CAMKMT: variants seen among roughly 807,000 people sequenced by gnomAD.
CAMKMT encodes the protein calmodulin-lysine N-methyltransferase, also known as CaM KMT.
In CAMKMT, 53 loss-of-function variants were observed where a neutral mutation model predicts 48.0. The ratio of observed to expected loss-of-function variants is 1.10; its 90% CI spans 0.89 to 1.39. CAMKMT has a LOEUF of 1.39. Ranked by LOEUF, CAMKMT falls within the 40% of genes most tolerant of loss-of-function variation. The pLI is 0.00. For synonymous variants in CAMKMT, 165 were observed against 152.3 expected, an observed-to-expected ratio of 1.08 and a Z score of -0.61; for missense variants, 428 against 402.7, an observed-to-expected ratio of 1.06 and a Z score of -0.54.
At chr2:44,662,273 T>G (rs1367895652) in intron 3 of CAMKMT, among the ~76,000 whole-genome samples, 1 of 152,222 alleles carries the variant, frequency 6.6e-6, no homozygotes, top group African/African-American at 2.4e-5. Flanking sequence ...ATTGTCCGTC[T>G]TAAAAGTATG....
intron 7 of CAMKMT, among the ~76,000 whole-genome samples, chr2:44,736,881 C>T (rs143618465): frequency 1.8e-4 from 28 of 152,204 alleles, no homozygotes; most frequent in African/African-American, 6.7e-4. Context: ...ATGTCTCTAC[C>T]TGATTCTTAG....
chr2:44,742,019 C>T (rs942287735), intron 7 of CAMKMT, among the ~76,000 whole-genome samples: 1 of 151,724 alleles, frequency 6.6e-6, no homozygotes, highest in African/African-American at 2.4e-5. Context: ...CATTACTTTT[C>T]TGATCAGAGA....
intron 7 of CAMKMT, among the ~76,000 whole-genome samples, chr2:44,718,109 A>G (rs2104310032): frequency 6.6e-6 from 1 of 152,320 alleles, no homozygotes; most frequent in African/African-American, 2.4e-5. Context: ...GGGCTTGTCC[A>G]AGGGCCTTGG....
intron 3 of CAMKMT, among the ~76,000 whole-genome samples, chr2:44,649,572 C>A (rs528734792): frequency 6.6e-6 from 1 of 152,190 alleles, no homozygotes; most frequent in African/African-American, 2.4e-5. Flanking sequence ...GGTAGAAATC[C>A]TCTTCATAGG....
chr2:44,541,677 A>G (rs891355434), intron 3 of CAMKMT, among the ~76,000 whole-genome samples: 4 of 151,806 alleles, frequency 2.6e-5, no homozygotes, highest in Non-Finnish European at 5.9e-5. Context: ...AGGCTGAGGT[A>G]AGAGGATCAC....
intron 7 of CAMKMT, among the ~76,000 whole-genome samples, chr2:44,719,490 G>A (rs1678349131): frequency 6.6e-6 from 1 of 152,158 alleles, no homozygotes; most frequent in African/African-American, 2.4e-5. Context: ...TGGAGTTTAT[G>A]TCCTAGGGAG....
At chr2:44,554,125 T>C (rs996825908) in intron 3 of CAMKMT, among the ~76,000 whole-genome samples, 1 of 152,214 alleles carries the variant, frequency 6.6e-6, no homozygotes, top group Non-Finnish European at 1.5e-5. Flanking sequence ...AGTAGACATT[T>C]AGTGTCTGTA....
At chr2:44,426,180 A>G (rs539325090) in intron 3 of CAMKMT, among the ~76,000 whole-genome samples, 1 of 152,374 alleles carries the variant, frequency 6.6e-6, no homozygotes, top group Admixed American at 6.5e-5. Context: ...TTTTGAAAAT[A>G]ACTTAGTGTT....
intron 3 of CAMKMT, among the ~76,000 whole-genome samples, chr2:44,622,483 CCT>C (rs983607615): frequency 5.9e-5 from 9 of 152,278 alleles, no homozygotes; most frequent in African/African-American, 1.7e-4. Flanking sequence ...TTTTTCAACC[CCT>C]GTCATCTTCC....
chr2:44,736,318 T>C (rs893730834), intron 7 of CAMKMT, among the ~76,000 whole-genome samples: 2 of 152,188 alleles, frequency 1.3e-5, no homozygotes, highest in Non-Finnish European at 2.9e-5. Flanking sequence ...TTTTATTCCT[T>C]TCAGTACTTT....
intron 3 of CAMKMT, among the ~76,000 whole-genome samples, chr2:44,702,156 A>G (rs949287972): frequency 1.3e-5 from 2 of 152,200 alleles, no homozygotes; most frequent in Non-Finnish European, 2.9e-5. Flanking sequence ...AGCTAAAGGC[A>G]TAAAGAAATT....
At chr2:44,424,309 G>A (rs142511057) in intron 3 of CAMKMT, among the ~76,000 whole-genome samples, 2 of 152,016 alleles carry the variant, frequency 1.3e-5, no homozygotes, top group African/African-American at 2.4e-5. Context: ...TGGGAGCATC[G>A]GTAGACGCTC....
chr2:44,591,297 A>C (rs898388618), intron 3 of CAMKMT, among the ~76,000 whole-genome samples: 2 of 151,986 alleles, frequency 1.3e-5, no homozygotes, highest in East Asian at 1.9e-4. Flanking sequence ...GAAGAAAGTC[A>C]TTGGTAGCTT....
intron 3 of CAMKMT, among the ~76,000 whole-genome samples, chr2:44,448,685 A>G (rs1667132274): frequency 6.6e-6 from 1 of 152,118 alleles, no homozygotes; most frequent in South Asian, 2.1e-4. Context: ...CTGTAAACAT[A>G]TTTTTCACTA....
At chr2:44,370,263 C>G (rs1325740000) in intron 1 of CAMKMT, among the ~76,000 whole-genome samples, 1 of 152,188 alleles carries the variant, frequency 6.6e-6, no homozygotes, top group Non-Finnish European at 1.5e-5. Flanking sequence ...TTAATTCTTA[C>G]TCAGACATGT....
intron 3 of CAMKMT, among the ~76,000 whole-genome samples, chr2:44,624,885 C>A (rs1055379165): frequency 6.6e-6 from 1 of 152,074 alleles, no homozygotes; most frequent in Non-Finnish European, 1.5e-5. Context: ...GTTCTAGATC[C>A]CTGAGGAATC....
chr2:44,575,009 G>C (rs1056309489), intron 3 of CAMKMT, among the ~76,000 whole-genome samples: 1 of 151,898 alleles, frequency 6.6e-6, no homozygotes, highest in Non-Finnish European at 1.5e-5. Context: ...ACCCACCTTA[G>C]CCTCCCAAAG....
intron 3 of CAMKMT, among the ~76,000 whole-genome samples, chr2:44,637,510 T>G (rs915951041): frequency 6.6e-6 from 1 of 152,210 alleles, no homozygotes; most frequent in African/African-American, 2.4e-5. Context: ...AATCTTTACT[T>G]CACGTCCCTG....
At chr2:44,517,782 A>G (rs1380805146) in intron 3 of CAMKMT, among the ~76,000 whole-genome samples, 2 of 152,218 alleles carry the variant, frequency 1.3e-5, no homozygotes, top group East Asian at 1.9e-4. Context: ...AAGATCATCA[A>G]CAATTAGTTG....
Sources: allele counts gnomAD v4.1 joint callset (sites outside exome capture counted in the v4.1 genomes callset), GRCh38; gene constraint gnomAD v4.1.1; transcripts MANE v1.5; gene names NCBI Gene and HGNC (gene_info 2026-07-23, HGNC 2026-07-21).